GRM7: variants seen among roughly 807,000 people sequenced by gnomAD.
The protein encoded by GRM7 is glutamate metabotropic receptor 7.
GRM7 carries 35 observed loss-of-function variants against 84.5 expected under a neutral mutation model. That is an observed-to-expected ratio of 0.41 (90% CI 0.32 to 0.55). The LOEUF is 0.55. GRM7 is among the 20% of genes least tolerant of loss of function. The pLI, the probability that GRM7 is intolerant of heterozygous loss-of-function variation, is 0.19. For synonymous variants in GRM7, 487 were observed against 455.1 expected, an observed-to-expected ratio of 1.07 and a Z score of -0.89; for missense variants, 1,003 against 1,194.6, an observed-to-expected ratio of 0.84 and a Z score of 2.36.
intron 1 of GRM7, among the ~76,000 whole-genome samples, chr3:7,142,689 CA>C (rs1262759343): frequency 6.6e-6 from 1 of 152,058 alleles, no homozygotes; most frequent in Non-Finnish European, 1.5e-5. Context: ...AATATACACA[CA>C]AAGGCAATAA....
At chr3:7,326,319 A>G (rs1007423606) in intron 4 of GRM7, among the ~76,000 whole-genome samples, 1 of 152,126 alleles carries the variant, frequency 6.6e-6, no homozygotes, top group Non-Finnish European at 1.5e-5. Context: ...TGTCTTGAGA[A>G]CATCTTAGGT....
intron 9 of GRM7, among the ~76,000 whole-genome samples, chr3:7,702,911 GA>G (rs1311977952): frequency 6.6e-6 from 1 of 151,882 alleles, no homozygotes; most frequent in African/African-American, 2.4e-5. Context: ...AAAAACTAAT[GA>G]AAAAATTAAT....
chr3:6,950,700 C>T (rs1229555014), intron 1 of GRM7, among the ~76,000 whole-genome samples: 1 of 152,192 alleles, frequency 6.6e-6, no homozygotes, highest in Non-Finnish European at 1.5e-5. Flanking sequence ...GTGGTGGGCT[C>T]CACCCAGTTC....
chr3:7,272,434 G>A (rs1472665051), intron 2 of GRM7, among the ~76,000 whole-genome samples: 3 of 152,182 alleles, frequency 2.0e-5, no homozygotes, highest in African/African-American at 7.2e-5. Flanking sequence ...CGTGTTTTAG[G>A]TGATTGTTTG....
chr3:6,977,659 G>A (rs1429283478), intron 1 of GRM7, among the ~76,000 whole-genome samples: 1 of 152,034 alleles, frequency 6.6e-6, no homozygotes, highest in African/African-American at 2.4e-5. Context: ...CTTATAATGT[G>A]GATCAGTACC....
chr3:7,262,446 A>C (rs768376952), intron 2 of GRM7, among the ~76,000 whole-genome samples: 2 of 152,112 alleles, frequency 1.3e-5, no homozygotes, highest in Non-Finnish European at 2.9e-5. Context: ...TTTCAGCTCT[A>C]TCAGGTCAGT....
intron 2 of GRM7, among the ~76,000 whole-genome samples, chr3:7,184,095 G>GA (rs1695434359): frequency 6.6e-6 from 1 of 152,080 alleles, no homozygotes; most frequent in Admixed American, 6.6e-5. Context: ...TGATTAAAGA[G>GA]AAAAAGAGAG....
At chr3:6,950,070 T>G in intron 1 of GRM7, among the ~76,000 whole-genome samples, 1 of 152,224 alleles carries the variant, frequency 6.6e-6, no homozygotes, top group East Asian at 1.9e-4. Context: ...AAAGTCATTC[T>G]CCATCTAGCT....
At chr3:6,968,099 C>T (rs1318047534) in intron 1 of GRM7, among the ~76,000 whole-genome samples, 1 of 152,180 alleles carries the variant, frequency 6.6e-6, no homozygotes, top group African/African-American at 2.4e-5. Context: ...CTACAAATAT[C>T]TGGAGGCCAG....
chr3:7,212,711 T>G (rs937492910), intron 2 of GRM7, among the ~76,000 whole-genome samples: 1 of 152,240 alleles, frequency 6.6e-6, no homozygotes, highest in Non-Finnish European at 1.5e-5. Context: ...ATGTTTTTAT[T>G]CATTCATCCA....
intron 8 of GRM7, among the ~76,000 whole-genome samples, chr3:7,665,265 G>A (rs7652931): frequency 0.11 from 16,726 of 149,402 alleles, 1,709 homozygotes; most frequent in African/African-American, 0.27. Flanking sequence ...TCCGCCTCCC[G>A]GGTTCACGCC....
At chr3:7,400,065 T>A (rs538951574) in intron 4 of GRM7, among the ~76,000 whole-genome samples, 1 of 152,288 alleles carries the variant, frequency 6.6e-6, no homozygotes, top group Non-Finnish European at 1.5e-5. Flanking sequence ...ATTTGCAACA[T>A]CTCTTTACTA....
At chr3:7,437,596 C>G (rs1056842520) in intron 5 of GRM7, among the ~76,000 whole-genome samples, 1 of 152,002 alleles carries the variant, frequency 6.6e-6, no homozygotes, top group Non-Finnish European at 1.5e-5. Context: ...TGTTTATTGT[C>G]TCTATTATTT....
At chr3:7,310,085 A>C (rs80319044) in intron 4 of GRM7, among the ~76,000 whole-genome samples, 1,730 of 152,244 alleles carry the variant, frequency 0.011, 33 homozygotes, top group African/African-American at 0.039. Context: ...TTCATCCTCC[A>C]AAGTGCTCTG....
intron 7 of GRM7, among the ~76,000 whole-genome samples, chr3:7,484,841 C>G (rs984264745): frequency 6.6e-6 from 1 of 152,158 alleles, no homozygotes; most frequent in Non-Finnish European, 1.5e-5. Flanking sequence ...TCATTCTTAA[C>G]AAATGAAATA....
intron 2 of GRM7, among the ~76,000 whole-genome samples, chr3:7,205,388 T>A (rs1372553495): frequency 6.6e-6 from 1 of 152,214 alleles, no homozygotes; most frequent in African/African-American, 2.4e-5. Context: ...TTATTTCAAC[T>A]CAGTCAACCG....
chr3:7,601,637 A>G (rs1403754805), intron 8 of GRM7, among the ~76,000 whole-genome samples: 3 of 152,078 alleles, frequency 2.0e-5, no homozygotes, highest in Non-Finnish European at 4.4e-5. Context: ...TGGCTTGAAT[A>G]CCAAGGAGAT....
chr3:7,325,424 A>G (rs2125058885), intron 4 of GRM7, among the ~76,000 whole-genome samples: 1 of 152,336 alleles, frequency 6.6e-6, no homozygotes, highest in Non-Finnish European at 1.5e-5. Context: ...GCCTCAATCC[A>G]GAGTTTCTGA....
chr3:7,477,943 C>T (rs1332713645), intron 7 of GRM7, among the ~76,000 whole-genome samples: 2 of 152,212 alleles, frequency 1.3e-5, no homozygotes, highest in East Asian at 1.9e-4. Flanking sequence ...TGTCTTTGTC[C>T]TTAATCATGA....
Sources: gnomAD v4.1 joint callset for allele counts (sites outside exome capture counted in the v4.1 genomes callset) on GRCh38, gnomAD v4.1.1 for gene constraint, MANE v1.5 for transcripts, NCBI Gene and HGNC (gene_info 2026-07-23, HGNC 2026-07-21) for gene names.